The following PLCB1 variants were observed in gnomAD, a reference collection of about 807,000 sequenced individuals.
The protein encoded by PLCB1 is 1-phosphatidylinositol 4,5-bisphosphate phosphodiesterase beta-1.
In PLCB1, 46 loss-of-function variants were observed where a neutral mutation model predicts 161.8. That is an observed-to-expected ratio of 0.28 (90% confidence interval 0.22 to 0.36). The LOEUF (loss-of-function observed/expected upper bound fraction) is 0.36, where lower values mean the gene tolerates loss of function less well. Among genes scored for constraint, PLCB1 ranks in the 10% least tolerant of loss-of-function variants. The pLI is 1.00. For missense variants in PLCB1, 1,016 were observed against 1,472.5 expected (o/e 0.69, Z 5.07); for synonymous variants, 517 against 503.7 (o/e 1.03, Z -0.35).
chr20:8,410,070 TTC>T (rs1978974428), intron 3 of PLCB1, among the ~76,000 whole-genome samples: 1 of 152,246 alleles, frequency 6.6e-6, no homozygotes, highest in African/African-American at 2.4e-5. Context: ...TATGCTTTTT[TTC>T]TCTCTGGGTT....
Position 8,788,699 on chromosome 20 carries a change from C to T in PLCB1, c.3255C>T (p.Ser1085=). The T allele has an allele frequency of 6.2e-7, 1 of 1,609,596 alleles. No individual in the cohort carries two copies. Among genetic ancestry groups the T allele is most frequent in the Middle Eastern group, 1.7e-4 (1 of 6,042 alleles). Reference sequence around the variant, plus strand: ...AGGAGAAGATAACAGAAGCTAAATCCAAAGACAAAAGTCAGATGGAAGAGT... The same window carrying T: ...AGGAGAAGATAACAGAAGCTAAATCTAAAGACAAAAGTCAGATGGAAGAGT... ...KRQEKITEAK[S]KDKSQMEEEK... The change falls in exon 29 of 32, where the codon TCC becomes TCT. Residue 1085 remains serine (S), a synonymous_variant. Coordinates refer to ENST00000338037, the MANE Select transcript of PLCB1 (RefSeq NM_015192.4).
intron 2 of PLCB1, among the ~76,000 whole-genome samples, chr20:8,208,445 T>A (rs1268250616): frequency 6.6e-6 from 1 of 152,128 alleles, no homozygotes; most frequent in Non-Finnish European, 1.5e-5. Context: ...CAATAAACCA[T>A]AGACATGCTT....
chr20:8,676,819 A>G (rs6133599), intron 9 of PLCB1, among the ~76,000 whole-genome samples: 12,433 of 152,284 alleles, frequency 0.082, 553 homozygotes, highest in East Asian at 0.13. Flanking sequence ...TAAAAACAGG[A>G]AAAAGCAGGG....
intron 31 of PLCB1, among the ~76,000 whole-genome samples, chr20:8,845,702 T>A (rs1986667028): frequency 6.6e-6 from 1 of 151,938 alleles, no homozygotes; most frequent in Non-Finnish European, 1.5e-5. Flanking sequence ...GAATCACAGA[T>A]GAAGATTTTA....
intron 2 of PLCB1, among the ~76,000 whole-genome samples, chr20:8,328,391 G>A (rs997200948): frequency 1.3e-5 from 2 of 152,026 alleles, no homozygotes; most frequent in Middle Eastern, 3.4e-3. Context: ...TGGAGTTGCT[G>A]GTATCTGCAG....
chr20:8,666,583 T>C (rs1289400485), intron 9 of PLCB1, among the ~76,000 whole-genome samples: 41 of 152,224 alleles, frequency 2.7e-4, no homozygotes, highest in Admixed American at 2.7e-3. Context: ...GTCAGTTTAT[T>C]AGAAGAGGCA....
At chr20:8,546,758 T>G (rs922421599) in intron 3 of PLCB1, among the ~76,000 whole-genome samples, 3 of 151,888 alleles carry the variant, frequency 2.0e-5, no homozygotes, top group Non-Finnish European at 2.9e-5. Flanking sequence ...AAGCTGTGTG[T>G]CTGTAGGAAA....
In PLCB1 at chr20:8,724,312, G is replaced by T. The variant is rs61375425; in HGVS notation, c.1582-344G>T. 2.7e-3 allele frequency among the ~76,000 whole-genome samples: 414 copies of T among 152,212 alleles called. 1 individual carries two copies. Among genetic ancestry groups the T allele is most frequent in the African/African-American group, 9.6e-3 (397 of 41,550 alleles). On this transcript the variant is annotated intron_variant, in intron 15 of 31. Coordinates refer to ENST00000338037, the MANE Select transcript of PLCB1 (RefSeq NM_015192.4). ...CTCAGTGCTTCTCAAACTTTGATGG[G>T]CATTCCAATGACCTTAGTAAAATGC...
intron 5 of PLCB1, 136 bp from the exon 6 acceptor site, chr20:8,647,764 C>T (rs1989206664): frequency 1.5e-6 from 1 of 669,252 alleles, no homozygotes. Flanking sequence ...TGGGTGCCAA[C>T]TGTGGAGACT....
At chr20:8,152,186 C>G (rs889008046) in intron 2 of PLCB1, among the ~76,000 whole-genome samples, 2 of 152,042 alleles carry the variant, frequency 1.3e-5, no homozygotes, top group African/African-American at 2.4e-5. Flanking sequence ...GTAAATTTTA[C>G]TTTTCACTTT....
chr20:8,805,983 T>C (rs905287605), intron 31 of PLCB1, among the ~76,000 whole-genome samples: 9 of 152,150 alleles, frequency 5.9e-5, no homozygotes, highest in African/African-American at 2.2e-4. Context: ...ACTGTTTCAT[T>C]TGCTGGTGGC....
chr20:8,446,301 C>G (rs956356109), intron 3 of PLCB1, among the ~76,000 whole-genome samples: 1 of 152,140 alleles, frequency 6.6e-6, no homozygotes, highest in Non-Finnish European at 1.5e-5. Flanking sequence ...GAACCAAAGA[C>G]AAAAACCACA....
intron 31 of PLCB1, among the ~76,000 whole-genome samples, chr20:8,815,611 G>C (rs1985049582): frequency 6.6e-6 from 1 of 152,180 alleles, no homozygotes; most frequent in Non-Finnish European, 1.5e-5. Context: ...GGCAGTGGTA[G>C]GGCCAGGTCA....
intron 3 of PLCB1, among the ~76,000 whole-genome samples, chr20:8,454,528 A>T (rs1568682745): frequency 6.6e-6 from 1 of 152,162 alleles, no homozygotes; most frequent in Admixed American, 6.5e-5. Flanking sequence ...TTTGGAGATG[A>T]AGCTGACTGA....
chr20:8,546,320 A>C (rs1428697342), intron 3 of PLCB1, among the ~76,000 whole-genome samples: 1 of 58,492 alleles, frequency 1.7e-5, no homozygotes, highest in Non-Finnish European at 4.7e-5. Context: ...TCTCAAAAAA[A>C]AAAAAAAAAA....
intron 2 of PLCB1, among the ~76,000 whole-genome samples, chr20:8,216,229 G>A (rs574242642): frequency 4.6e-5 from 7 of 152,214 alleles, no homozygotes; most frequent in South Asian, 2.1e-4. Context: ...ATAATTGAAA[G>A]CACCCATCAT....
intron 2 of PLCB1, chr20:8,305,919 T>C (rs1984114121): frequency 6.6e-6 from 1 of 152,128 alleles, no homozygotes; most frequent in Non-Finnish European, 1.5e-5. Context: ...GGAGAGTGAC[T>C]TGTGGGCTGC....
chr20:8,199,877 A>G (rs1221135070), intron 2 of PLCB1, among the ~76,000 whole-genome samples: 1 of 152,158 alleles, frequency 6.6e-6, no homozygotes, highest in Non-Finnish European at 1.5e-5. Context: ...TCCTCATAAA[A>G]TTATTTAAGG....
Position 8,619,869 on chromosome 20 carries a change from G to A in PLCB1, c.247-8425G>A, listed in dbSNP as rs571638678. Among the ~76,000 whole-genome samples the A allele has an allele frequency of 7.2e-5, 11 of 152,188 alleles. No homozygotes were observed. In the East Asian group the frequency reaches 1.9e-3, roughly 27 times the overall value. On this transcript the variant is annotated intron_variant, in intron 3 of 31. Coordinates refer to ENST00000338037, the MANE Select transcript of PLCB1 (RefSeq NM_015192.4). ...GTGCACACAAATATACATACTGATCGACAAATCTCAAAGTAAGTAAATGGA... is the reference window on the plus strand; with the variant it reads ...GTGCACACAAATATACATACTGATCAACAAATCTCAAAGTAAGTAAATGGA...
Sources: allele counts gnomAD v4.1 joint callset (sites outside exome capture counted in the v4.1 genomes callset), GRCh38; gene constraint gnomAD v4.1.1; transcripts MANE v1.5; gene names NCBI Gene and HGNC (gene_info 2026-07-23, HGNC 2026-07-21).